The following MPZL2 variants were observed in gnomAD, a reference collection of about 807,000 sequenced individuals.
MPZL2 encodes myelin protein zero like 2.
MPZL2 carries 32 observed loss-of-function variants against 24.5 expected under a neutral mutation model. That is an observed-to-expected ratio of 1.31 (90% CI 0.99 to 1.76). The LOEUF (loss-of-function observed/expected upper bound fraction) is 1.76. Among genes scored for constraint, MPZL2 ranks in the 40% most tolerant of loss-of-function variants. The pLI is 0.00. For missense variants in MPZL2, 304 were observed against 274.9 expected, an observed-to-expected ratio of 1.11 and a Z score of -0.75; for synonymous variants, 92 against 97.9, an observed-to-expected ratio of 0.94 and a Z score of 0.36.
chr11:118,259,003 G>T (rs1472713224), intron 4 of MPZL2, among the ~76,000 whole-genome samples: 2 of 113,578 alleles, frequency 1.8e-5, no homozygotes, highest in African/African-American at 4.9e-5. Context: ...CCTAATACAC[G>T]GTTATGATTA....
intron 3 of MPZL2, among the ~76,000 whole-genome samples, chr11:118,260,973 A>T (rs909320622): frequency 6.6e-6 from 1 of 152,172 alleles, no homozygotes; most frequent in African/African-American, 2.4e-5. Flanking sequence ...ATGAAGGAGG[A>T]TGGGGAAGAG....
intron 4 of MPZL2, 35 bp from the exon 5 acceptor site, chr11:118,257,348 A>AGAC: frequency 6.4e-7 from 1 of 1,565,118 alleles, no homozygotes; most frequent in Non-Finnish European, 8.8e-7. Flanking sequence ...CAGGTGAACA[A>AGAC]GACAAGAAGC....
rs1949649857 is a variant in MPZL2, at chr11:118,254,418, G to C, written c.*828C>G. ...TGCAAATGAGCATAGACTTTGCTCTGTTGTTATAGATCATTGAATTGGGGG... is the reference window on the plus strand; with the variant it reads ...TGCAAATGAGCATAGACTTTGCTCTCTTGTTATAGATCATTGAATTGGGGG... On this transcript the variant is annotated 3_prime_UTR_variant, in exon 6 of 6. Coordinates refer to ENST00000278937, the MANE Select transcript of MPZL2 (RefSeq NM_005797.4). The C allele has an allele frequency of 6.6e-6, 1 of 152,034 alleles. No homozygotes were observed. The allele number at this position is 152,034 out of a possible 1,614,324, so 9.4% of individuals were successfully genotyped here. A position where few individuals can be genotyped will look rare whatever the true frequency, so the allele number is the denominator to read the frequency against.
rs1405113846 is a variant in MPZL2, at chr11:118,253,911, A to G, written c.*1335T>C. On this transcript the variant is annotated 3_prime_UTR_variant, in exon 6 of 6. Coordinates refer to ENST00000278937, the MANE Select transcript of MPZL2 (RefSeq NM_005797.4). ...TATCAAGGTCTATACATTTAAATAC[A>G]GATAATCTGTTTGAAAATTCCAGTT... 6.6e-6 allele frequency: 1 copy of G among 152,590 alleles called. No homozygotes were observed. Among genetic ancestry groups the G allele is most frequent in the Non-Finnish European group, 1.5e-5 (1 of 67,986 alleles). The allele number at this position is 152,590 out of a possible 1,614,324, so 9.5% of individuals were successfully genotyped here.
At position 118,264,192 on chromosome 11, in the gene MPZL2, C is replaced by A; in HGVS notation, c.-39G>T. On this transcript the variant is annotated 5_prime_UTR_variant, in exon 1 of 6. Transcript: ENST00000278937. ...CCTTGGCCCCAGAGACCGGACGGGG[C>A]AGACCGAGGGCTCCAACACCCTGCC... is the stretch of plus-strand genomic sequence containing the variant. 1 of 1,607,044 alleles carries A rather than the reference C, an allele frequency of 6.2e-7. No homozygotes were observed. Among genetic ancestry groups the A allele is most frequent in the South Asian group, 1.1e-5 (1 of 90,930 alleles).
Position 118,262,511 on chromosome 11 carries a change from G to A in MPZL2, c.363C>T (p.Tyr121=), listed in dbSNP as rs1372990737. The change falls in exon 3 of 6, where the codon TAC becomes TAT. Residue 121 remains tyrosine, a synonymous_variant. Coordinates refer to ENST00000278937, the MANE Select transcript of MPZL2 (RefSeq NM_005797.4). ...WKLQFDDNGT[Y]TCQVKNPPDV... ...CAGGTGGGTTCTTCACCTGGCAGGT[G>A]TATGTCCCATTGTCGTCGAACTGCA... The A allele has an allele frequency of 6.2e-7, 1 of 1,614,198 alleles. No individual in the cohort carries two copies. Among genetic ancestry groups the A allele is most frequent in the Non-Finnish European group, 8.5e-7 (1 of 1,180,042 alleles).
intron 2 of MPZL2, 76 bp from the exon 3 acceptor site, chr11:118,262,724 G>A (rs1949709856): frequency 1.4e-6 from 2 of 1,477,380 alleles, no homozygotes; most frequent in African/African-American, 1.4e-5. Context: ...GAGCGGAAGT[G>A]AAACACCAGC....
chr11:118,260,126 A>G lies in MPZL2; in HGVS notation c.512T>C (p.Val171Ala). 6.2e-7 allele frequency: 1 copy of G among 1,614,138 alleles called. No homozygotes were observed. Among genetic ancestry groups the G allele is most frequent in the Non-Finnish European group, 8.5e-7 (1 of 1,179,982 alleles). The change falls in exon 4 of 6, where the codon GTA (valine) becomes GCA (alanine). Residue 171 changes from valine to alanine, a missense_variant. Coordinates refer to ENST00000278937, the MANE Select transcript of MPZL2 (RefSeq NM_005797.4). ...CCGGTAATGCTGGAAGAGGACCACT[A>G]CAATTACTATTATGATCATCAGTGC... ...ACALMIIIVI[V>A]VVLFQHYRKK...
rs74374602 is a variant in MPZL2, at chr11:118,261,016, A to C, written c.437-815T>G. 6.2e-3 allele frequency among the ~76,000 whole-genome samples: 937 copies of C among 152,336 alleles called. 7 individuals are homozygous for C. The highest frequency in any genetic ancestry group is 0.022 in the African/African-American group (894 of 41,578). On this transcript the variant is annotated intron_variant, in intron 3 of 5. Coordinates refer to ENST00000278937, the MANE Select transcript of MPZL2 (RefSeq NM_005797.4). The stretch of plus-strand genomic sequence containing the variant: ...GGTAGTCTGCAAGCCCACAGAATCC[A>C]AGTCTCATTTTGTATGTCTCCACTG...
chr11:118,260,222 A>G lies in MPZL2; in HGVS notation c.437-21T>C, dbSNP rs948194373. The G allele has an allele frequency of 1.9e-6, 3 of 1,606,540 alleles. No homozygotes were observed. In the African/African-American group the frequency reaches 4.0e-5, roughly 22 times the overall value. The stretch of plus-strand genomic sequence containing the variant: ...GCGTACTGTAAGGAGAAAAAGATTA[A>G]ATTAGGATTCTAAAAAGAAGAGGAC... On this transcript the variant is annotated intron_variant, in intron 3 of 5. Transcript: ENST00000278937.
In MPZL2 at chr11:118,260,199, G is replaced by T; in HGVS notation, c.439C>A (p.Arg147Ser). The T allele has an allele frequency of 6.2e-7, 1 of 1,611,712 alleles. No homozygotes were observed. Among genetic ancestry groups the T allele is most frequent in the Non-Finnish European group, 8.5e-7 (1 of 1,179,264 alleles). Residue 147 changes from arginine (R) to serine (S), a missense_variant and splice_region_variant, in exon 4 of 6, where the codon CGC becomes AGC. Physicochemically the swap from Arg to Ser is moderately radical, Grantham distance 110. Transcript: ENST00000278937. Reference protein sequence around the residue: ...EIRLSVVHTVRFSEIHFLALA... With the variant: ...EIRLSVVHTVSFSEIHFLALA... ...GCCAGGAAGTGGATCTCAGAGAAGC[G>T]TACTGTAAGGAGAAAAAGATTAAAT...
rs750465676 is a variant in MPZL2 at position 118,260,069 on chromosome 11, A to G, written c.569T>C (p.Val190Ala). The change falls in exon 4 of 6, where the codon GTG becomes GCG. Residue 190 changes from valine (V) to alanine (A), a missense_variant. By Grantham distance (64) the Val-to-Ala change is moderately conservative. Coordinates refer to ENST00000278937, the MANE Select transcript of MPZL2 (RefSeq NM_005797.4). ...KKRWAERAHKVVEIKSKEEER... is the reference protein window; with the variant it reads ...KKRWAERAHKAVEIKSKEEER... ...CCAGCCTTACGATTTTATCTCCACC[A>G]CTTTATGAGCTCTTTCGGCCCATCG... 10 of 1,613,910 alleles carry G rather than the reference A, an allele frequency of 6.2e-6. No homozygotes were observed. Among genetic ancestry groups the G allele is most frequent in the Non-Finnish European group, 8.5e-6 (10 of 1,179,898 alleles).
intron 3 of MPZL2, among the ~76,000 whole-genome samples, chr11:118,261,838 C>T (rs1311938413): frequency 1.3e-5 from 2 of 152,186 alleles, no homozygotes; most frequent in Non-Finnish European, 2.9e-5. Flanking sequence ...TTATCAGCTA[C>T]GTGACTCAGG....
chr11:118,257,139 C>T, intron 5 of MPZL2, 99 bp downstream of exon 5: 1 of 815,292 alleles, frequency 1.2e-6, no homozygotes. Context: ...ATGGGAAACA[C>T]CTAACAGCCA....
chr11:118,258,074 G>A (rs1949674148), intron 4 of MPZL2, among the ~76,000 whole-genome samples: 1 of 152,002 alleles, frequency 6.6e-6, no homozygotes. Context: ...AATGGTGCTG[G>A]AACAACTAGA....
Position 118,263,040 on chromosome 11 carries a change from T to C in MPZL2, c.116A>G (p.Asn39Ser). Residue 39 changes from asparagine to serine, a missense_variant, in exon 2 of 6, where the codon AAT becomes AGT. By Grantham distance (46) the Asn-to-Ser change is conservative (BLOSUM62 1). Coordinates refer to ENST00000278937, the MANE Select transcript of MPZL2 (RefSeq NM_005797.4). ...IYTSRVLEAV[N>S]GTDARLKCTF... is the part of the protein sequence containing the mutation. ...GCATTTTAACCGAGCATCTGTCCCA[T>C]TAACAGCCTCCAGCACCCGGGAGGT... The C allele has an allele frequency of 6.2e-7, 1 of 1,614,180 alleles. No individual in the cohort carries two copies. Among genetic ancestry groups the C allele is most frequent in the Non-Finnish European group, 8.5e-7 (1 of 1,180,038 alleles).
chr11:118,262,835 G>C (rs964569792), intron 2 of MPZL2, 96 bp downstream of exon 2: 4 of 1,474,042 alleles, frequency 2.7e-6, no homozygotes, highest in Non-Finnish European at 3.7e-6. Context: ...CCTTGTGCTT[G>C]CTGCTAAGAA....
In MPZL2 at chr11:118,262,939, C is replaced by G. The variant is rs368432636; in HGVS notation, c.217G>C (p.Glu73Gln). 3.7e-6 allele frequency: 6 copies of G among 1,613,766 alleles called. No individual in the cohort carries two copies. In the African/African-American group the frequency reaches 8.0e-5, roughly 22 times the overall value. The change falls in exon 2 of 6, where the codon GAG (glutamate) becomes CAG (glutamine). Residue 73 changes from glutamate (E) to glutamine (Q), a missense_variant. By Grantham distance (29) the Glu-to-Gln change is conservative. Coordinates refer to ENST00000278937, the MANE Select transcript of MPZL2 (RefSeq NM_005797.4). ...WNFRPLDGGP[E>Q]QFVFYYHIDP... ...GATGATAATCTACTTACAAACTGCT[C>G]AGGTCCCCCGTCTAGAGGACGAAAA...
At position 118,262,941 on chromosome 11, in the gene MPZL2, G is replaced by C. The variant is rs1282692845; in HGVS notation, c.215C>G (p.Pro72Arg). ...TGATAATCTACTTACAAACTGCTCAGGTCCCCCGTCTAGAGGACGAAAATT... is the reference window on the plus strand; with the variant it reads ...TGATAATCTACTTACAAACTGCTCACGTCCCCCGTCTAGAGGACGAAAATT... ...TWNFRPLDGG[P>R]EQFVFYYHID... The change falls in exon 2 of 6, where the codon CCT (proline) becomes CGT (arginine). Residue 72 changes from proline (P) to arginine (R), a missense_variant. Transcript: ENST00000278937. 3 of 1,613,912 alleles carry C rather than the reference G, an allele frequency of 1.9e-6. No individual in the cohort carries two copies. The highest frequency in any genetic ancestry group is 2.2e-5 in the South Asian group (2 of 91,046).
Sources: allele counts gnomAD v4.1 joint callset (sites outside exome capture counted in the v4.1 genomes callset), GRCh38; gene constraint gnomAD v4.1.1; transcripts MANE v1.5; gene names NCBI Gene and HGNC (gene_info 2026-07-23, HGNC 2026-07-21).